The following BRIP1 variants were observed in gnomAD, a reference collection of about 807,000 sequenced individuals.
The protein encoded by BRIP1 is BRCA1 interacting DNA helicase 1.
BRIP1 carries 88 observed loss-of-function variants against 119.7 expected under a neutral mutation model. The observed-to-expected ratio is 0.74, with a 90% CI of 0.62 to 0.88. BRIP1 has a LOEUF of 0.88. BRIP1 is among the 40% of genes least tolerant of loss of function. The probability of loss-of-function intolerance (pLI) is 0.00; values close to 1 mark genes in which losing one functional copy is unlikely to be tolerated. For missense variants in BRIP1, 1,259 were observed against 1,455.4 expected, an observed-to-expected ratio of 0.87 and a Z score of 2.20; for synonymous variants, 443 against 496.5, an observed-to-expected ratio of 0.89 and a Z score of 1.43.
chr17:61,698,863 T>C (rs7214967), intron 17 of BRIP1, among the ~76,000 whole-genome samples: 92,724 of 151,704 alleles, frequency 0.61, 28,968 homozygotes, highest in Admixed American at 0.74. Flanking sequence ...TATAGGCACA[T>C]GCCACTACAC....
chr17:61,771,123 T>C (rs1409236901), intron 14 of BRIP1, among the ~76,000 whole-genome samples: 1 of 152,224 alleles, frequency 6.6e-6, no homozygotes, highest in South Asian at 2.1e-4. Flanking sequence ...CATCCTATAA[T>C]GCTGAACATG....
rs1176075332 is a variant in BRIP1 at position 61,846,118 on chromosome 17, C to A, written c.627+983G>T. Among the ~76,000 whole-genome samples, 3 of 151,700 alleles carry A rather than the reference C, an allele frequency of 2.0e-5. No homozygotes were observed. Among genetic ancestry groups the A allele is most frequent in the African/African-American group, 7.3e-5 (3 of 41,310 alleles). On this transcript the variant is annotated intron_variant, in intron 6 of 19. Coordinates refer to ENST00000259008, the MANE Select transcript of BRIP1 (RefSeq NM_032043.3). The surrounding 1 kb of genome is among the most constrained non-coding windows in gnomAD (Gnocchi z 4.3). ...AATGGCATGAACCCAGGAGGCGGAG[C>A]TTGCAGTGGGCGGAGATCACGCCAC...
At chr17:61,801,225 A>C (rs1433238938) in intron 8 of BRIP1, 28 bp downstream of exon 8, 7 of 1,573,728 alleles carry the variant, frequency 4.4e-6, no homozygotes, top group Non-Finnish European at 5.2e-6. Flanking sequence ...AGTAGGAAGA[A>C]GGTTCTCATT....
At position 61,801,318 on chromosome 17, in the gene BRIP1, T is replaced by C. The variant is rs1158711504; in HGVS notation, c.1075A>G (p.Ile359Val). The change falls in exon 8 of 20, where the codon ATA becomes GTA. Residue 359 changes from isoleucine (I) to valine (V), a missense_variant. Transcript: ENST00000259008. Reference sequence around the variant, plus strand: ...CAAAATATGATGTCAGCATCTTGTATTAGTTCTCGGGCTGTGTAATATGGA... The same window carrying C: ...CAAAATATGATGTCAGCATCTTGTACTAGTTCTCGGGCTGTGTAATATGGA... ...ACPYYTAREL[I>V]QDADIIFCPY... 1 of 1,614,074 alleles carries C rather than the reference T, an allele frequency of 6.2e-7. No individual in the cohort carries two copies. Among genetic ancestry groups the C allele is most frequent in the Non-Finnish European group, 8.5e-7 (1 of 1,179,958 alleles).
intron 6 of BRIP1, among the ~76,000 whole-genome samples, chr17:61,812,988 A>G (rs1430592269): frequency 6.6e-6 from 1 of 152,166 alleles, no homozygotes; most frequent in African/African-American, 2.4e-5. Context: ...ACAAAAAAAT[A>G]CTATGCCTAA....
intron 6 of BRIP1, among the ~76,000 whole-genome samples, chr17:61,817,634 C>T (rs946435225): frequency 6.6e-6 from 1 of 152,128 alleles, no homozygotes; most frequent in Non-Finnish European, 1.5e-5. Context: ...TGGCATTAGC[C>T]GCATGGGCAC....
chr17:61,790,022 C>T lies in BRIP1; in HGVS notation c.1473+3575G>A, dbSNP rs201990467. Among the ~76,000 whole-genome samples, 5 of 152,228 alleles carry T rather than the reference C, an allele frequency of 3.3e-5. No individual in the cohort carries two copies. In the East Asian group the frequency reaches 9.6e-4, roughly 29 times the overall value. ...ATGTACACCTCACTAAATACACACA[C>T]CTCCCCATGTAACTAACACCTGACC... On this transcript the variant is annotated intron_variant, in intron 10 of 19. Transcript: ENST00000259008.
chr17:61,700,152 C>G lies in BRIP1; in HGVS notation c.2493-6640G>C, dbSNP rs561563133. 6.6e-6 allele frequency among the ~76,000 whole-genome samples: 1 copy of G among 152,122 alleles called. No individual in the cohort carries two copies. The highest frequency in any genetic ancestry group is 1.5e-5 in the Non-Finnish European group (1 of 68,020). ...GAACCTGAAGGTGGTCTTGGCAACC[C>G]ACAAGACAATCACCACAGATTTACA... On this transcript the variant is annotated intron_variant, in intron 17 of 19. Coordinates refer to ENST00000259008, the MANE Select transcript of BRIP1 (RefSeq NM_032043.3). The surrounding 1 kb of genome is among the most constrained non-coding windows in gnomAD (Gnocchi z 4.1).
Position 61,682,199 on chromosome 17 carries a change from T to C in BRIP1, c.*1097A>G. 1 of 198,070 alleles carries C rather than the reference T, an allele frequency of 5.0e-6. No homozygotes were observed. Among genetic ancestry groups the C allele is most frequent in the Non-Finnish European group, 1.0e-5 (1 of 95,840 alleles). 12.3% of individuals were successfully genotyped at this position (198,070 alleles called of 1,614,324 possible). On this transcript the variant is annotated 3_prime_UTR_variant, in exon 20 of 20. Transcript: ENST00000259008. This position sits in a 1 kb window ranked among gnomAD's most constrained non-coding sequence, Gnocchi z 4.9. Reference sequence around the variant, plus strand: ...AAATTTATATATGAAGTTTTCTATCTTAATCATTGTATAACTAAAGCTTAT... The same window carrying C: ...AAATTTATATATGAAGTTTTCTATCCTAATCATTGTATAACTAAAGCTTAT...
At position 61,844,592 on chromosome 17, in the gene BRIP1, C is replaced by T. The variant is rs2145722100; in HGVS notation, c.627+2509G>A. Among the ~76,000 whole-genome samples the T allele has an allele frequency of 6.6e-6, 1 of 152,084 alleles. No individual in the cohort carries two copies. Among genetic ancestry groups the T allele is most frequent in the East Asian group, 1.9e-4 (1 of 5,168 alleles). ...GCAACACATTGAGACCCTGTGTCTA[C>T]AAATAAAGCAAACAAAAACAATTCC... is the stretch of plus-strand genomic sequence containing the variant. On this transcript the variant is annotated intron_variant, in intron 6 of 19. Coordinates refer to ENST00000259008, the MANE Select transcript of BRIP1 (RefSeq NM_032043.3). The surrounding 1 kb of genome is among the most constrained non-coding windows in gnomAD (Gnocchi z 4.7).
chr17:61,708,527 T>G lies in BRIP1; in HGVS notation c.2492+7424A>C, dbSNP rs2061727514. Reference sequence around the variant, plus strand: ...AGAGACTACTGTACTGTCTGGCCCTTTATAGAAAACACTGGCCAATCCTTG... The same window carrying G: ...AGAGACTACTGTACTGTCTGGCCCTGTATAGAAAACACTGGCCAATCCTTG... On this transcript the variant is annotated intron_variant, in intron 17 of 19. Transcript: ENST00000259008. This position sits in a 1 kb window ranked among gnomAD's most constrained non-coding sequence, Gnocchi z 4.4. Among the ~76,000 whole-genome samples, 1 of 152,248 alleles carries G rather than the reference T, an allele frequency of 6.6e-6. No homozygotes were observed. The highest frequency in any genetic ancestry group is 1.5e-5 in the Non-Finnish European group (1 of 68,044).
In BRIP1 at chr17:61,843,090, T is replaced by G. The variant is rs936539760; in HGVS notation, c.627+4011A>C. ...GGATGAACCTGGAGGGAGGACATTA[T>G]GCAAAGTGAAATATGTCAGATGTAG... On this transcript the variant is annotated intron_variant, in intron 6 of 19. Coordinates refer to ENST00000259008, the MANE Select transcript of BRIP1 (RefSeq NM_032043.3). This position sits in a 1 kb window ranked among gnomAD's most constrained non-coding sequence, Gnocchi z 5.7. Among the ~76,000 whole-genome samples, 1 of 152,212 alleles carries G rather than the reference T, an allele frequency of 6.6e-6. No individual in the cohort carries two copies. The highest frequency in any genetic ancestry group is 2.4e-5 in the African/African-American group (1 of 41,458).
Position 61,857,259 on chromosome 17 carries a change from A to G in BRIP1, c.206-28T>C, listed in dbSNP as rs748684393. ...AAAAATGAAAGAACATCTATTTATA[A>G]TATATCTAATTAAATAAACATCAAT... is the stretch of plus-strand genomic sequence containing the variant. On this transcript the variant is annotated intron_variant, in intron 3 of 19. Coordinates refer to ENST00000259008, the MANE Select transcript of BRIP1 (RefSeq NM_032043.3). This position sits in a 1 kb window ranked among gnomAD's most constrained non-coding sequence, Gnocchi z 5.1. 30 of 1,553,210 alleles carry G rather than the reference A, an allele frequency of 1.9e-5. 1 individual carries two copies. The South Asian group carries it at 3.5e-4, about 18-fold the overall frequency.
Position 61,814,240 on chromosome 17 carries a change from A to C in BRIP1, c.628-5483T>G, listed in dbSNP as rs572545539. 6.6e-6 allele frequency among the ~76,000 whole-genome samples: 1 copy of C among 152,184 alleles called. No individual in the cohort carries two copies. Among genetic ancestry groups the C allele is most frequent in the African/African-American group, 2.4e-5 (1 of 41,584 alleles). Reference sequence around the variant, plus strand: ...ATAAACCAAAAACACAAATGAGTGAAAACACAGCTTCATTAACATGTTAAA... The same window carrying C: ...ATAAACCAAAAACACAAATGAGTGACAACACAGCTTCATTAACATGTTAAA... On this transcript the variant is annotated intron_variant, in intron 6 of 19. Transcript: ENST00000259008. The surrounding 1 kb of genome is among the most constrained non-coding windows in gnomAD (Gnocchi z 4.9).
chr17:61,712,734 T>C (rs2061797456), intron 17 of BRIP1, among the ~76,000 whole-genome samples: 1 of 151,844 alleles, frequency 6.6e-6, no homozygotes, highest in Non-Finnish European at 1.5e-5. Context: ...TGAAACCCCA[T>C]CTCTACTAAG....
In BRIP1 at chr17:61,851,345, GT is replaced by G. The variant is rs1347502697; in HGVS notation, c.380-2090del. Among the ~76,000 whole-genome samples, 3 of 152,166 alleles carry G rather than the reference GT, an allele frequency of 2.0e-5. No individual in the cohort carries two copies. The East Asian group carries it at 5.8e-4, about 29-fold the overall frequency. Reference sequence around the variant, plus strand: ...TGAGTCATGTTTCTTTCTTTATAAGGTTCTTAGAAACACAGTTTGAAAACCA... The same window carrying G: ...TGAGTCATGTTTCTTTCTTTATAAGGTCTTAGAAACACAGTTTGAAAACCA... On this transcript the variant is annotated intron_variant, in intron 4 of 19. Transcript: ENST00000259008. This position sits in a 1 kb window ranked among gnomAD's most constrained non-coding sequence, Gnocchi z 4.6.
intron 16 of BRIP1, among the ~76,000 whole-genome samples, chr17:61,737,030 A>G (rs1329099870): frequency 6.6e-6 from 1 of 152,180 alleles, no homozygotes; most frequent in East Asian, 1.9e-4. Flanking sequence ...AGGAACAGAG[A>G]TTCAGATGAT....
In BRIP1 at chr17:61,743,155, A is replaced by G. The variant is rs2077010216; in HGVS notation, c.2258-21T>C. On this transcript the variant is annotated intron_variant, in intron 15 of 19. Transcript: ENST00000259008. The surrounding 1 kb of genome is among the most constrained non-coding windows in gnomAD (Gnocchi z 4.3). Reference sequence around the variant, plus strand: ...TCCATCTTAAACAACAGAAAAAAGCATATCCAAAATTCTCAGAAATTGCTT... The same window carrying G: ...TCCATCTTAAACAACAGAAAAAAGCGTATCCAAAATTCTCAGAAATTGCTT... 1 of 1,613,410 alleles carries G rather than the reference A, an allele frequency of 6.2e-7. No homozygotes were observed. The highest frequency in any genetic ancestry group is 8.5e-7 in the Non-Finnish European group (1 of 1,179,446).
chr17:61,817,997 TTTTGG>T (rs2145502662), intron 6 of BRIP1, among the ~76,000 whole-genome samples: 1 of 152,316 alleles, frequency 6.6e-6, no homozygotes. Flanking sequence ...CAAGATTTTT[TTTTGG>T]GTAATCTAAA....
Sources: allele counts gnomAD v4.1 joint callset (sites outside exome capture counted in the v4.1 genomes callset), GRCh38; gene constraint gnomAD v4.1.1; non-coding constraint Gnocchi (gnomAD v3.1); transcripts MANE v1.5; gene names NCBI Gene and HGNC (gene_info 2026-07-23, HGNC 2026-07-21).